The following ZNF66 variants were observed in gnomAD, a reference collection of about 807,000 sequenced individuals.
The protein encoded by ZNF66 is zinc finger protein 66.
A neutral mutation model predicts 35.2 loss-of-function variants in ZNF66; 32 were observed. The observed-to-expected ratio is 0.91, with a 90% CI of 0.69 to 1.22. The LOEUF is 1.22. Among genes scored for constraint, ZNF66 ranks in the 50% most tolerant of loss-of-function variants. The pLI, the probability that ZNF66 is intolerant of heterozygous loss-of-function variation, is 0.00. For missense variants in ZNF66, 666 were observed against 543.1 expected (o/e 1.23, Z -2.25); for synonymous variants, 231 against 181.3 (o/e 1.27, Z -2.20).
intron 3 of ZNF66, among the ~76,000 whole-genome samples, chr19:20,801,100 C>T (rs1971443423): frequency 6.6e-6 from 1 of 151,816 alleles, no homozygotes; most frequent in Admixed American, 6.6e-5. Flanking sequence ...AGTCATTGTC[C>T]CATGGTCGTA....
At chr19:20,790,949 A>G (rs1410340521) in intron 1 of ZNF66, among the ~76,000 whole-genome samples, 1 of 152,112 alleles carries the variant, frequency 6.6e-6, no homozygotes, top group Non-Finnish European at 1.5e-5. Flanking sequence ...TCTTCCCTGT[A>G]TCCCAGAGCC....
In ZNF66 at chr19:20,807,767, A is replaced by T. The variant is rs1971537876; in HGVS notation, c.*445A>T. Among the ~76,000 whole-genome samples, 2 of 152,036 alleles carry T rather than the reference A, an allele frequency of 1.3e-5. No individual in the cohort carries two copies. The highest frequency in any genetic ancestry group is 6.6e-5 in the Admixed American group (1 of 15,254). On this transcript the variant is annotated 3_prime_UTR_variant, in exon 4 of 4. Transcript: ENST00000344519. ...CTGAATAGGTACAGCTCCTGTCTAC[A>T]GCTCCCAGCCTGAGCGACGCAGAAG... is the stretch of plus-strand genomic sequence containing the variant.
chr19:20,776,329 G>A lies in ZNF66; in HGVS notation c.-119G>A, dbSNP rs1034135935. The A allele has an allele frequency of 9.7e-5, 139 of 1,439,164 alleles. No individual in the cohort carries two copies. Among genetic ancestry groups the A allele is most frequent in the Middle Eastern group, 1.8e-4 (1 of 5,690 alleles). 89.1% of individuals were successfully genotyped at this position (1,439,164 alleles called of 1,614,324 possible). On this transcript the variant is annotated 5_prime_UTR_variant, in exon 1 of 4. Coordinates refer to ENST00000344519, the MANE Select transcript of ZNF66 (RefSeq NM_001355197.2). ...GTCTCTCCCTGCAGCTGGAGCTCCAGGTCGTCTGTTCACTGCTCTCTGTCT... is the reference window on the plus strand; with the variant it reads ...GTCTCTCCCTGCAGCTGGAGCTCCAAGTCGTCTGTTCACTGCTCTCTGTCT...
At chr19:20,790,114 A>G (rs1433130019) in intron 1 of ZNF66, among the ~76,000 whole-genome samples, 2 of 152,238 alleles carry the variant, frequency 1.3e-5, no homozygotes, top group Admixed American at 6.5e-5. Context: ...GCAGAATTAC[A>G]TTACATAAAG....
rs371242246 is a variant in ZNF66, at chr19:20,808,250, G to T, written c.*928G>T. Among the ~76,000 whole-genome samples the T allele has an allele frequency of 1.3e-5, 2 of 152,222 alleles. No individual in the cohort carries two copies. The highest frequency in any genetic ancestry group is 2.9e-5 in the Non-Finnish European group (2 of 68,042). On this transcript the variant is annotated 3_prime_UTR_variant, in exon 4 of 4. Transcript: ENST00000344519. ...CACCACAGCTCAAGGAGGCCTGCCT[G>T]CCTCTGTAGGCTCCACCTCTGGGGT...
chr19:20,797,342 G>A lies in ZNF66; in HGVS notation c.226+3464G>A, dbSNP rs1481546641. Among the ~76,000 whole-genome samples the A allele has an allele frequency of 2.2e-5, 3 of 138,534 alleles. No homozygotes were observed. In the East Asian group the frequency reaches 6.0e-4, roughly 28 times the overall value. 90.9% of individuals were successfully genotyped at this position (138,534 alleles called of 152,430 possible). On this transcript the variant is annotated intron_variant, in intron 3 of 3. Transcript: ENST00000344519. ...CTGCCTCAGCCTCCCGAGTAGCTGG[G>A]ACTACAGGCGCCCGCCACCTCGCCC... is the stretch of plus-strand genomic sequence containing the variant.
chr19:20,778,170 G>A (rs765667695), intron 1 of ZNF66, among the ~76,000 whole-genome samples: 20 of 152,052 alleles, frequency 1.3e-4, no homozygotes, highest in African/African-American at 4.3e-4. Context: ...GCGTGATCTC[G>A]GCTCACGCAA....
intron 3 of ZNF66, 143 bp from the exon 4 acceptor site, chr19:20,805,684 A>G (rs773378108): frequency 1.9e-5 from 8 of 417,414 alleles, no homozygotes; most frequent in Admixed American, 8.2e-5. Flanking sequence ...TTACATTTAT[A>G]TGTCCAGGAA....
Position 20,776,337 on chromosome 19 carries a change from G to A in ZNF66, c.-111G>A, listed in dbSNP as rs572374907. 5.4e-6 allele frequency: 8 copies of A among 1,469,256 alleles called. No homozygotes were observed. In the African/African-American group the frequency reaches 9.7e-5, roughly 18 times the overall value. 91.0% of individuals were successfully genotyped at this position (1,469,256 alleles called of 1,614,324 possible). On this transcript the variant is annotated 5_prime_UTR_variant, in exon 1 of 4. Transcript: ENST00000344519. Reference sequence around the variant, plus strand: ...CTGCAGCTGGAGCTCCAGGTCGTCTGTTCACTGCTCTCTGTCTTCTTCTCC... The same window carrying A: ...CTGCAGCTGGAGCTCCAGGTCGTCTATTCACTGCTCTCTGTCTTCTTCTCC...
intron 1 of ZNF66, among the ~76,000 whole-genome samples, chr19:20,779,843 G>A (rs2358605): frequency 0.55 from 82,156 of 148,816 alleles, 22,739 homozygotes; most frequent in East Asian, 0.59. Context: ...CAGGAGAATC[G>A]CTTGAACTCG....
rs747282494 is a variant in ZNF66 at position 20,805,923 on chromosome 19, A to C, written c.323A>C (p.His108Pro). 1.5e-6 allele frequency: 1 copy of C among 678,792 alleles called. No homozygotes were observed. Among genetic ancestry groups the C allele is most frequent in the African/African-American group, 1.8e-5 (1 of 55,876 alleles). 42.0% of individuals were successfully genotyped at this position (678,792 alleles called of 1,614,324 possible). The change falls in exon 4 of 4, where the codon CAT (histidine) becomes CCT (proline). Residue 108 changes from histidine (H) to proline (P), a missense_variant. Transcript: ENST00000344519. ...CTGAGAAGGCATAAAAAATGTGGAC[A>C]TGATAATTTGCAGTTAAAAAAAGGC... Reference protein sequence around the residue: ...LILRRHKKCGHDNLQLKKGCE... With the variant: ...LILRRHKKCGPDNLQLKKGCE...
chr19:20,786,819 T>A (rs185854107), intron 1 of ZNF66, among the ~76,000 whole-genome samples: 150 of 152,354 alleles, frequency 9.8e-4, no homozygotes, highest in Non-Finnish European at 1.9e-3. Context: ...CTGAGTGCAA[T>A]GGCACAATCT....
At chr19:20,777,867 A>G (rs1971210327) in intron 1 of ZNF66, among the ~76,000 whole-genome samples, 1 of 152,082 alleles carries the variant, frequency 6.6e-6, no homozygotes, top group South Asian at 2.1e-4. Flanking sequence ...AAATATAGGG[A>G]AAATCTCTCT....
At chr19:20,789,157 T>TA (rs1971313981) in intron 1 of ZNF66, among the ~76,000 whole-genome samples, 1 of 152,200 alleles carries the variant, frequency 6.6e-6, no homozygotes, top group African/African-American at 2.4e-5. Context: ...ATATTAAAAT[T>TA]ACAGAAATTC....
chr19:20,806,312 T>C lies in ZNF66; in HGVS notation c.712T>C (p.Phe238Leu). 4 of 1,513,082 alleles carry C rather than the reference T, an allele frequency of 2.6e-6. No individual in the cohort carries two copies. Among genetic ancestry groups the C allele is most frequent in the Non-Finnish European group, 3.7e-6 (4 of 1,088,896 alleles). 93.7% of individuals were successfully genotyped at this position (1,513,082 alleles called of 1,614,324 possible). Reference sequence around the variant, plus strand: ...CAAATGTGAAGACTGTGGCAAAGCCTTTAACCGCTCCTCTAACCTTACTAC... The same window carrying C: ...CAAATGTGAAGACTGTGGCAAAGCCCTTAACCGCTCCTCTAACCTTACTAC... ...RYKCEDCGKAFNRSSNLTTHK... is the reference protein window; with the variant it reads ...RYKCEDCGKALNRSSNLTTHK... The change falls in exon 4 of 4, where the codon TTT becomes CTT. Residue 238 changes from phenylalanine to leucine, a missense_variant. Transcript: ENST00000344519.
Position 20,803,253 on chromosome 19 carries a change from A to C in ZNF66, c.227-2574A>C, listed in dbSNP as rs573345684. Among the ~76,000 whole-genome samples the C allele has an allele frequency of 8.6e-5, 13 of 151,444 alleles. No individual in the cohort carries two copies. The South Asian group carries it at 2.7e-3, about 32-fold the overall frequency. ...TTAAATAGTTTTCTGCAAAAGAAAAACTTATTTTATTGTTTTATTTTATTC... is the reference window on the plus strand; with the variant it reads ...TTAAATAGTTTTCTGCAAAAGAAAACCTTATTTTATTGTTTTATTTTATTC... On this transcript the variant is annotated intron_variant, in intron 3 of 3. Coordinates refer to ENST00000344519, the MANE Select transcript of ZNF66 (RefSeq NM_001355197.2).
chr19:20,801,661 T>C (rs1004382994), intron 3 of ZNF66, among the ~76,000 whole-genome samples: 1 of 151,874 alleles, frequency 6.6e-6, no homozygotes, highest in African/African-American at 2.4e-5. Context: ...ATTTTTGAGA[T>C]AGGGTCTCAC....
At chr19:20,800,913 A>G (rs1194202991) in intron 3 of ZNF66, among the ~76,000 whole-genome samples, 3 of 152,120 alleles carry the variant, frequency 2.0e-5, no homozygotes, top group African/African-American at 4.8e-5. Flanking sequence ...TTAATTGCAA[A>G]TGGGTTCTTG....
At position 20,806,424 on chromosome 19, in the gene ZNF66, A is replaced by G. The variant is rs774479049; in HGVS notation, c.824A>G (p.His275Arg). 16 of 1,558,546 alleles carry G rather than the reference A, an allele frequency of 1.0e-5. No individual in the cohort carries two copies. The Admixed American group carries it at 2.5e-4, about 24-fold the overall frequency. Residue 275 changes from histidine to arginine, a missense_variant, in exon 4 of 4, where the codon CAT becomes CGT. His to Arg is a conservative substitution (Grantham distance 29). Coordinates refer to ENST00000344519, the MANE Select transcript of ZNF66 (RefSeq NM_001355197.2). ...AFKRSSILTT[H>R]KRIHTGEKPY... is the part of the protein sequence containing the mutation. ...AAGCGCTCCTCTATCCTTACTACAC[A>G]TAAGAGAATTCATACTGGAGAGAAA... is the stretch of plus-strand genomic sequence containing the variant.
Sources: gnomAD v4.1 joint callset for allele counts (sites outside exome capture counted in the v4.1 genomes callset) on GRCh38, gnomAD v4.1.1 for gene constraint, MANE v1.5 for transcripts, NCBI Gene and HGNC (gene_info 2026-07-23, HGNC 2026-07-21) for gene names.